KLF4: variants seen among roughly 807,000 people sequenced by gnomAD.
The protein encoded by KLF4 is KLF transcription factor 4, also known as Krueppel-like factor 4.
A neutral mutation model predicts 38.0 loss-of-function variants in KLF4; 14 were observed. That is an observed-to-expected ratio of 0.37 (90% CI 0.24 to 0.58). The LOEUF (loss-of-function observed/expected upper bound fraction) is 0.58, where lower values mean the gene tolerates loss of function less well. Ranked by LOEUF, KLF4 falls within the 20% of genes least tolerant of loss-of-function variation. KLF4 has a pLI of 0.76. For missense variants in KLF4, 737 were observed against 670.1 expected, an observed-to-expected ratio of 1.10 and a Z score of -1.10; for synonymous variants, 398 against 302.5, an observed-to-expected ratio of 1.32 and a Z score of -3.28.
Position 107,489,058 on chromosome 9 carries a change from C to T in KLF4, c.6-8G>A. 1 of 1,553,548 alleles carries T rather than the reference C, an allele frequency of 6.4e-7. No homozygotes were observed. On this transcript the variant is annotated splice_region_variant and splice_polypyrimidine_tract_variant and intron_variant, in intron 1 of 4. Coordinates refer to ENST00000374672, the MANE Select transcript of KLF4 (RefSeq NM_004235.6). ...GACTCGCCAGGTGGCTGCCTGCGAG[C>T]AAGGCAGGGAGCGGAGACAGGAGAG... is the stretch of plus-strand genomic sequence containing the variant.
chr9:107,488,342 G>A lies in KLF4; in HGVS notation c.127-75C>T. The A allele has an allele frequency of 6.8e-7, 1 of 1,466,036 alleles. No homozygotes were observed. The highest frequency in any genetic ancestry group is 1.4e-5 in the South Asian group (1 of 71,880). 90.8% of individuals were successfully genotyped at this position (1,466,036 alleles called of 1,614,324 possible). Reference sequence around the variant, plus strand: ...ACCCGACATACTGACGTGCTGGCGGGCCACGCGCGACTGCACCGCCCAGAC... The same window carrying A: ...ACCCGACATACTGACGTGCTGGCGGACCACGCGCGACTGCACCGCCCAGAC... On this transcript the variant is annotated intron_variant, in intron 2 of 4. Transcript: ENST00000374672. The surrounding 1 kb of genome is among the most constrained non-coding windows in gnomAD (Gnocchi z 5.7).
chr9:107,489,325 T>C lies in KLF4; in HGVS notation c.-153A>G. The C allele has an allele frequency of 9.1e-7, 1 of 1,100,958 alleles. No homozygotes were observed. The highest frequency in any genetic ancestry group is 1.2e-6 in the Non-Finnish European group (1 of 819,550). 68.2% of individuals were successfully genotyped at this position (1,100,958 alleles called of 1,614,324 possible). A position where few individuals can be genotyped will look rare whatever the true frequency, so the allele number is the denominator to read the frequency against. On this transcript the variant is annotated 5_prime_UTR_variant, in exon 1 of 5. Coordinates refer to ENST00000374672, the MANE Select transcript of KLF4 (RefSeq NM_004235.6). ...GATTAAATATAACTTGGAAGCGTCT[T>C]TTTTAAAAAGTTCCTTTGTATACAA...
chr9:107,486,081 A>T (rs1231108608), intron 4 of KLF4, among the ~76,000 whole-genome samples, 155 bp from the exon 5 acceptor site: 1 of 152,204 alleles, frequency 6.6e-6, no homozygotes, highest in African/African-American at 2.4e-5. Context: ...ATTGAATTCC[A>T]TATCATAAAC....
In KLF4 at chr9:107,489,624, C is replaced by T. The variant is rs1171875880; in HGVS notation, c.-452G>A. Reference sequence around the variant, plus strand: ...TGTGTGGAGCGCGCGCGGCCATGGGCGCGGGCCACGGGCGGGTGGGAGGGT... The same window carrying T: ...TGTGTGGAGCGCGCGCGGCCATGGGTGCGGGCCACGGGCGGGTGGGAGGGT... On this transcript the variant is annotated 5_prime_UTR_variant, in exon 1 of 5. Coordinates refer to ENST00000374672, the MANE Select transcript of KLF4 (RefSeq NM_004235.6). 2 of 126,834 alleles carry T rather than the reference C, an allele frequency of 1.6e-5. No homozygotes were observed. Among genetic ancestry groups the T allele is most frequent in the African/African-American group, 4.4e-5 (1 of 22,504 alleles). The allele number at this position is 126,834 out of a possible 1,614,324, so 7.9% of individuals were successfully genotyped here.
At position 107,489,470 on chromosome 9, in the gene KLF4, C is replaced by T. The variant is rs1829154605; in HGVS notation, c.-298G>A. 1 of 366,860 alleles carries T rather than the reference C, an allele frequency of 2.7e-6. No homozygotes were observed. The highest frequency in any genetic ancestry group is 2.1e-5 in the African/African-American group (1 of 47,958). 22.7% of individuals were successfully genotyped at this position (366,860 alleles called of 1,614,324 possible). ...CGTCCCCCACCACTGTCGCGGTCGC[C>T]TCGAGTGCTGCCGTGGGCGCAGGGG... On this transcript the variant is annotated 5_prime_UTR_variant, in exon 1 of 5. Coordinates refer to ENST00000374672, the MANE Select transcript of KLF4 (RefSeq NM_004235.6).
In KLF4 at chr9:107,487,553, C is replaced by G; in HGVS notation, c.841G>C (p.Ala281Pro). ...CCCAAGTGGGTGCACGAAGAGACCG[C>G]CTCCTGCTTGATCTTGGGGCACGTG... The part of the protein sequence containing the change: ...PRTCPKIKQE[A>P]VSSCTHLGAG... Residue 281 changes from alanine to proline, a missense_variant, in exon 3 of 5, where the codon GCG (alanine) becomes CCG (proline). Around this residue, in one of 2 missense-constraint regions of KLF4, gnomAD observed 695 missense variants for 554.5 expected, o/e 1.25. Coordinates refer to ENST00000374672, the MANE Select transcript of KLF4 (RefSeq NM_004235.6). The surrounding 1 kb of genome is among the most constrained non-coding windows in gnomAD (Gnocchi z 6.1). 6.4e-7 allele frequency: 1 copy of G among 1,571,962 alleles called. No individual in the cohort carries two copies. Among genetic ancestry groups the G allele is most frequent in the Non-Finnish European group, 8.6e-7 (1 of 1,161,584 alleles).
Position 107,487,452 on chromosome 9 carries a change from C to G in KLF4, c.942G>C (p.Arg314Ser). ...DFPLGRQLPS[R>S]TTPTLGLEEV... ...CCTCAAGACCCAGGGTCGGGGTAGT[C>G]CTGCTGGGGAGCTGCCGCCCCAGGG... The change falls in exon 3 of 5, where the codon AGG becomes AGC. Residue 314 changes from arginine (R) to serine (S), a missense_variant. This residue lies in a region of KLF4 where 695 missense variants were observed against 554.5 expected (regional missense o/e 1.25). Coordinates refer to ENST00000374672, the MANE Select transcript of KLF4 (RefSeq NM_004235.6). The surrounding 1 kb of genome is among the most constrained non-coding windows in gnomAD (Gnocchi z 6.1). The G allele has an allele frequency of 6.5e-7, 1 of 1,531,862 alleles. No homozygotes were observed. Among genetic ancestry groups the G allele is most frequent in the South Asian group, 1.3e-5 (1 of 77,346 alleles). The allele number at this position is 1,531,862 out of a possible 1,614,324, so 94.9% of individuals were successfully genotyped here. A position where few individuals can be genotyped will look rare whatever the true frequency, so the allele number is the denominator to read the frequency against.
At position 107,487,938 on chromosome 9, in the gene KLF4, A is replaced by G. The variant is rs1829108501; in HGVS notation, c.456T>C (p.Tyr152=). 3 of 1,581,492 alleles carry G rather than the reference A, an allele frequency of 1.9e-6. No individual in the cohort carries two copies. The highest frequency in any genetic ancestry group is 2.6e-6 in the Non-Finnish European group (3 of 1,164,582). ...ASAPSTCSFT[Y]PIRAGNDPGV... ...CCGGGTCGTTCCCGGCCCGGATCGG[A>G]TAGGTGAAGCTGCAGGTGGAGGGCG... The change falls in exon 3 of 5, where the codon TAT becomes TAC. Residue 152 remains tyrosine (Y), a synonymous_variant. Coordinates refer to ENST00000374672, the MANE Select transcript of KLF4 (RefSeq NM_004235.6). The surrounding 1 kb of genome is among the most constrained non-coding windows in gnomAD (Gnocchi z 6.1).
In KLF4 at chr9:107,485,106, T is replaced by C. The variant is rs573110000; in HGVS notation, c.*645A>G. 6.3e-5 allele frequency: 12 copies of C among 189,750 alleles called. No homozygotes were observed. In the South Asian group the frequency reaches 2.1e-3, roughly 33 times the overall value. The allele number at this position is 189,750 out of a possible 1,614,324, so 11.8% of individuals were successfully genotyped here. A position where few individuals can be genotyped will look rare whatever the true frequency, so the allele number is the denominator to read the frequency against. ...TGAAACCACAGTGCATAACAGACTG[T>C]CTGCATAAAAATGCTAAAGAAGTAA... On this transcript the variant is annotated 3_prime_UTR_variant, in exon 5 of 5. Coordinates refer to ENST00000374672, the MANE Select transcript of KLF4 (RefSeq NM_004235.6). This position sits in a 1 kb window ranked among gnomAD's most constrained non-coding sequence, Gnocchi z 4.9.
chr9:107,489,306 A>G lies in KLF4; in HGVS notation c.-134T>C, dbSNP rs1260420031. ...CCGAGATCCTTCTTCTTTGGATTAAATATAACTTGGAAGCGTCTTTTTTAA... is the reference window on the plus strand; with the variant it reads ...CCGAGATCCTTCTTCTTTGGATTAAGTATAACTTGGAAGCGTCTTTTTTAA... On this transcript the variant is annotated 5_prime_UTR_variant, in exon 1 of 5. Coordinates refer to ENST00000374672, the MANE Select transcript of KLF4 (RefSeq NM_004235.6). The G allele has an allele frequency of 2.5e-6, 3 of 1,216,316 alleles. No individual in the cohort carries two copies. Among genetic ancestry groups the G allele is most frequent in the Non-Finnish European group, 3.3e-6 (3 of 916,384 alleles). The allele number at this position is 1,216,316 out of a possible 1,614,324, so 75.3% of individuals were successfully genotyped here.
chr9:107,488,715 C>G lies in KLF4; in HGVS notation c.126+215G>C, dbSNP rs1166692290. Among the ~76,000 whole-genome samples the G allele has an allele frequency of 6.6e-6, 1 of 152,332 alleles. No individual in the cohort carries two copies. The highest frequency in any genetic ancestry group is 1.5e-5 in the Non-Finnish European group (1 of 68,026). Reference sequence around the variant, plus strand: ...GCGCGCCCGGGGACTGGTGAAGACCCGGCTTGCGCCCCAGGCGGCTCCGCA... The same window carrying G: ...GCGCGCCCGGGGACTGGTGAAGACCGGGCTTGCGCCCCAGGCGGCTCCGCA... On this transcript the variant is annotated intron_variant, in intron 2 of 4. Transcript: ENST00000374672. This position sits in a 1 kb window ranked among gnomAD's most constrained non-coding sequence, Gnocchi z 5.7.
chr9:107,487,743 C>G lies in KLF4; in HGVS notation c.651G>C (p.Gln217His), dbSNP rs745944382. The stretch of plus-strand genomic sequence containing the variant: ...TCAGCCCGCCACCTGGCGGCTGCGG[C>G]TGCTGCGGCGGAATGTACACCGGGT... ...ELDPVYIPPQ[Q>H]PQPPGGGLMG... The change falls in exon 3 of 5, where the codon CAG becomes CAC. Residue 217 changes from glutamine (Q) to histidine (H), a missense_variant. By Grantham distance (24) the Gln-to-His change is conservative. This residue lies in a region of KLF4 where 695 missense variants were observed against 554.5 expected (regional missense o/e 1.25). Coordinates refer to ENST00000374672, the MANE Select transcript of KLF4 (RefSeq NM_004235.6). The surrounding 1 kb of genome is among the most constrained non-coding windows in gnomAD (Gnocchi z 6.1). 7 of 1,580,284 alleles carry G rather than the reference C, an allele frequency of 4.4e-6. No individual in the cohort carries two copies. The highest frequency in any genetic ancestry group is 6.0e-6 in the Non-Finnish European group (7 of 1,163,758).
Position 107,488,781 on chromosome 9 carries a change from G to T in KLF4, c.126+149C>A. ...GCATACACAGCTGAGCCAAGGACAC[G>T]GAAGCTATCCCGGGAAGGTTGCGGA... On this transcript the variant is annotated intron_variant, in intron 2 of 4. Transcript: ENST00000374672. The surrounding 1 kb of genome is among the most constrained non-coding windows in gnomAD (Gnocchi z 5.7). 1 of 1,154,990 alleles carries T rather than the reference G, an allele frequency of 8.7e-7. No individual in the cohort carries two copies. The highest frequency in any genetic ancestry group is 1.2e-6 in the Non-Finnish European group (1 of 833,888). The allele number at this position is 1,154,990 out of a possible 1,614,324, so 71.5% of individuals were successfully genotyped here.
At position 107,485,928 on chromosome 9, in the gene KLF4, T is replaced by A; in HGVS notation, c.1265-2A>T. 1 of 1,599,898 alleles carries A rather than the reference T, an allele frequency of 6.3e-7. No individual in the cohort carries two copies. Among genetic ancestry groups the A allele is most frequent in the Non-Finnish European group, 8.5e-7 (1 of 1,176,524 alleles). On this transcript the variant is annotated splice_acceptor_variant, in intron 4 of 4. Transcript: ENST00000374672. LOFTEE classifies it high-confidence loss of function. The surrounding 1 kb of genome is among the most constrained non-coding windows in gnomAD (Gnocchi z 4.9). ...AGTCACAGTGGTAAGGTTTCTCACC[T>A]GTAAAGGTAAAAGAAAAAAAAAATT... is the stretch of plus-strand genomic sequence containing the variant.
At position 107,487,781 on chromosome 9, in the gene KLF4, G is replaced by A. The variant is rs1312725159; in HGVS notation, c.613C>T (p.Arg205Trp). The A allele has an allele frequency of 5.2e-6, 8 of 1,545,274 alleles. No homozygotes were observed. The highest frequency in any genetic ancestry group is 7.0e-6 in the Non-Finnish European group (8 of 1,143,790). ...ATGTACACCGGGTCCAATTCTGGCC[G>A]CAGGAGCTCGGCCACGAAGCCGCCC... ...PSGGFVAELL[R>W]PELDPVYIPP... The change falls in exon 3 of 5, where the codon CGG (arginine) becomes TGG (tryptophan). Residue 205 changes from arginine to tryptophan, a missense_variant. Arg to Trp is a moderately radical substitution (Grantham distance 101, BLOSUM62 -3). This residue lies in a region of KLF4 where 695 missense variants were observed against 554.5 expected (regional missense o/e 1.25). Transcript: ENST00000374672. The surrounding 1 kb of genome is among the most constrained non-coding windows in gnomAD (Gnocchi z 6.1).
Position 107,487,455 on chromosome 9 carries a change from G to C in KLF4, c.939C>G (p.Ser313Arg), listed in dbSNP as rs763373556. The change falls in exon 3 of 5, where the codon AGC becomes AGG. Residue 313 changes from serine (S) to arginine (R), a missense_variant. Transcript: ENST00000374672. This position sits in a 1 kb window ranked among gnomAD's most constrained non-coding sequence, Gnocchi z 6.1. ...HDFPLGRQLP[S>R]RTTPTLGLEE... ...CAAGACCCAGGGTCGGGGTAGTCCT[G>C]CTGGGGAGCTGCCGCCCCAGGGGGA... The C allele has an allele frequency of 1.3e-6, 2 of 1,533,328 alleles. No individual in the cohort carries two copies. The highest frequency in any genetic ancestry group is 1.8e-6 in the Non-Finnish European group (2 of 1,142,176). The allele number at this position is 1,533,328 out of a possible 1,614,324, so 95.0% of individuals were successfully genotyped here.
At chr9:107,486,280 T>G (rs936190536) in intron 4 of KLF4, among the ~76,000 whole-genome samples, 1 of 152,164 alleles carries the variant, frequency 6.6e-6, no homozygotes, top group Non-Finnish European at 1.5e-5. Context: ...TGATTGGTAG[T>G]GTGCCCAAAC....
chr9:107,488,069 G>T lies in KLF4; in HGVS notation c.325C>A (p.Leu109Ile), dbSNP rs768719572. ...GGAGGATGGGTCAGCGAATTGGAGA[G>T]AATAAAGTCCAGGTCCAGGAGATCG... ...FNDLLDLDFI[L>I]SNSLTHPPES... Residue 109 changes from leucine (L) to isoleucine (I), a missense_variant, in exon 3 of 5, where the codon CTC (leucine) becomes ATC (isoleucine). This residue lies in a region of KLF4 where 695 missense variants were observed against 554.5 expected (regional missense o/e 1.25). Transcript: ENST00000374672. This position sits in a 1 kb window ranked among gnomAD's most constrained non-coding sequence, Gnocchi z 5.7. 2 of 1,613,148 alleles carry T rather than the reference G, an allele frequency of 1.2e-6. No individual in the cohort carries two copies. Among genetic ancestry groups the T allele is most frequent in the South Asian group, 2.2e-5 (2 of 91,076 alleles).
rs1829085764 is a variant in KLF4, at chr9:107,487,372, T to A, written c.1022A>T (p.His341Leu). 2.6e-6 allele frequency: 4 copies of A among 1,538,778 alleles called. No individual in the cohort carries two copies. The African/African-American group carries it at 4.1e-5, about 16-fold the overall frequency. Residue 341 changes from histidine (H) to leucine (L), a missense_variant, in exon 3 of 5, where the codon CAT becomes CTT. His to Leu is a moderately conservative substitution (Grantham distance 99). Transcript: ENST00000374672. The surrounding 1 kb of genome is among the most constrained non-coding windows in gnomAD (Gnocchi z 6.1). ...HPALPLPPGFHPHPGPNYPSF... is the reference protein window; with the variant it reads ...HPALPLPPGFLPHPGPNYPSF... ...TGGGTAATTGGGCCCCGGGTGGGGA[T>A]GGAAGCCGGGAGGAAGCGGCAGGGC... is the stretch of plus-strand genomic sequence containing the variant.
Sources: gnomAD v4.1 joint callset for allele counts (sites outside exome capture counted in the v4.1 genomes callset) on GRCh38, gnomAD v4.1.1 for gene constraint, gnomAD v4.1.1 regional missense constraint, Gnocchi (gnomAD v3.1) non-coding constraint, MANE v1.5 for transcripts, NCBI Gene and HGNC (gene_info 2026-07-23, HGNC 2026-07-21) for gene names.